KIF4A: variants seen among roughly 807,000 people sequenced by gnomAD.
KIF4A encodes chromosome-associated kinesin KIF4A.
KIF4A carries 7 observed loss-of-function variants against 105.9 expected under a neutral mutation model. That is an observed-to-expected ratio of 0.07 (90% confidence interval 0.04 to 0.12). The LOEUF (loss-of-function observed/expected upper bound fraction) is 0.12. Ranked by LOEUF, KIF4A falls within the 10% of genes least tolerant of loss-of-function variation. The pLI, the probability that KIF4A is intolerant of heterozygous loss-of-function variation, is 1.00. For synonymous variants in KIF4A, 281 were observed against 331.3 expected, an observed-to-expected ratio of 0.85 and a Z score of 1.65; for missense variants, 558 against 929.2, an observed-to-expected ratio of 0.60 and a Z score of 5.19.
chrX:70,311,781 C>A (rs760602709), intron 7 of KIF4A, among the ~76,000 whole-genome samples: 9 of 108,969 alleles, frequency 8.3e-5, no homozygotes, highest in African/African-American at 2.7e-4. Context: ...AGCAACATAG[C>A]GAGACCCCAC....
intron 3 of KIF4A, among the ~76,000 whole-genome samples, chrX:70,294,179 C>A (rs1189970000): frequency 9.0e-6 from 1 of 111,435 alleles, no homozygotes; most frequent in Non-Finnish European, 1.9e-5. Flanking sequence ...TACACATTAG[C>A]CTAGGCCCAC....
rs3752322 is a variant in KIF4A, at chrX:70,420,671, G to T, written c.*406G>T. ...TGGCCTAGGATGGAGGCCTGGCTTA[G>T]ATCTTTCATTCCACCTCAGGAATGA... On this transcript the variant is annotated 3_prime_UTR_variant, in exon 31 of 31. Coordinates refer to ENST00000374403, the MANE Select transcript of KIF4A (RefSeq NM_012310.5). 732 of 134,710 alleles carry T rather than the reference G, an allele frequency of 5.4e-3. 28 individuals are homozygous for T. The East Asian group carries it at 0.095, about 17-fold the overall frequency. 11.1% of individuals were successfully genotyped at this position (134,710 alleles called of 1,213,427 possible).
At chrX:70,371,767 C>T (rs1335037210) in intron 15 of KIF4A, among the ~76,000 whole-genome samples, 29 of 107,469 alleles carry the variant, frequency 2.7e-4, no homozygotes, top group Admixed American at 1.9e-4. Context: ...ACTTCCCAGA[C>T]GGGGTGGCTG....
At chrX:70,387,333 C>A in intron 20 of KIF4A, 36 bp downstream of exon 20, 1 of 981,016 alleles carries the variant, frequency 1.0e-6, no homozygotes. Context: ...CTCTTGTGGA[C>A]ACTGGGAACA....
chrX:70,292,137 A>G (rs1463748731), intron 3 of KIF4A, among the ~76,000 whole-genome samples: 1 of 111,673 alleles, frequency 9.0e-6, no homozygotes, highest in Non-Finnish European at 1.9e-5. Context: ...CCCATACTTT[A>G]GTGTATATTT....
intron 22 of KIF4A, chrX:70,396,257 T>C (rs1002532943): frequency 5.7e-5 from 18 of 313,751 alleles, no homozygotes; most frequent in Middle Eastern, 8.7e-4. Flanking sequence ...ATCATTCTTC[T>C]CATGTTAGAG....
chrX:70,302,134 T>C, intron 6 of KIF4A, 68 bp downstream of exon 6: 1 of 1,133,126 alleles, frequency 8.8e-7, no homozygotes, highest in Non-Finnish European at 1.2e-6. Context: ...TTAGACTGCT[T>C]CTTCAATTGA....
At chrX:70,329,919 T>G (rs1002195140) in intron 8 of KIF4A, among the ~76,000 whole-genome samples, 1 of 111,761 alleles carries the variant, frequency 8.9e-6, no homozygotes, top group Non-Finnish European at 1.9e-5. Flanking sequence ...TTTAACCTGA[T>G]TAACTGCTGA....
Position 70,420,662 on chromosome X carries a change from C to T in KIF4A, c.*397C>T, listed in dbSNP as rs994005168. On this transcript the variant is annotated 3_prime_UTR_variant, in exon 31 of 31. Coordinates refer to ENST00000374403, the MANE Select transcript of KIF4A (RefSeq NM_012310.5). ...GGAGGAGCCTGGCCTAGGATGGAGG[C>T]CTGGCTTAGATCTTTCATTCCACCT... The T allele has an allele frequency of 2.5e-4, 34 of 136,767 alleles. No individual in the cohort carries two copies. The Admixed American group carries it at 2.7e-3, about 11-fold the overall frequency. The allele number at this position is 136,767 out of a possible 1,213,427, so 11.3% of individuals were successfully genotyped here.
At chrX:70,415,697 A>T in intron 28 of KIF4A, among the ~76,000 whole-genome samples, 1 of 106,368 alleles carries the variant, frequency 9.4e-6, no homozygotes, top group Non-Finnish European at 1.9e-5. Context: ...GGAAAGGGGG[A>T]GGCAAATAGG....
At chrX:70,318,473 C>T (rs1252934771) in intron 7 of KIF4A, among the ~76,000 whole-genome samples, 2 of 111,675 alleles carry the variant, frequency 1.8e-5, no homozygotes, top group Non-Finnish European at 3.8e-5. Flanking sequence ...CAACAACGCC[C>T]ATATGAACCT....
chrX:70,307,260 A>G (rs1320632818), intron 7 of KIF4A, among the ~76,000 whole-genome samples: 2 of 110,602 alleles, frequency 1.8e-5, no homozygotes, highest in Admixed American at 9.7e-5. Flanking sequence ...TGTAAATGCA[A>G]TTGTTTTCTT....
chrX:70,322,811 C>T (rs951798243), intron 7 of KIF4A, among the ~76,000 whole-genome samples: 2 of 108,534 alleles, frequency 1.8e-5, no homozygotes, highest in Non-Finnish European at 3.8e-5. Context: ...TTTTCTCTAA[C>T]CCTACTACCA....
intron 15 of KIF4A, among the ~76,000 whole-genome samples, chrX:70,365,953 C>T (rs999453484): frequency 2.7e-5 from 3 of 111,455 alleles, no homozygotes; most frequent in Non-Finnish European, 5.6e-5. Flanking sequence ...GATTCAACTT[C>T]TTCCTGGTTT....
rs2147734549 is a variant in KIF4A at position 70,396,035 on chromosome X, T to C, written c.2475T>C (p.Thr825=). Residue 825 remains threonine, a synonymous_variant, in exon 22 of 31, where the codon ACT becomes ACC. Transcript: ENST00000374403. ...CAAAGCAGATTGAAAGCCTAGAGAC[T>C]GAAATGGAATTCAGGTAACAGGGAC... ...SITKQIESLE[T]EMEFRSAQIA... The C allele has an allele frequency of 2.4e-5, 28 of 1,188,037 alleles. No homozygotes were observed. Among genetic ancestry groups the C allele is most frequent in the Non-Finnish European group, 3.2e-5 (28 of 876,067 alleles).
At chrX:70,290,361 GGAA>G in intron 1 of KIF4A, 74 bp from the exon 2 acceptor site, 3 of 1,112,519 alleles carry the variant, frequency 2.7e-6, no homozygotes, top group Non-Finnish European at 3.6e-6. Context: ...GAGGAGGGTC[GGAA>G]CCGGGGAGGA....
intron 15 of KIF4A, among the ~76,000 whole-genome samples, chrX:70,365,582 A>T (rs2086098605): frequency 8.9e-6 from 1 of 111,767 alleles, no homozygotes; most frequent in South Asian, 3.7e-4. Flanking sequence ...CTTGCATCCC[A>T]GGGATGAAGC....
At chrX:70,355,058 A>T (rs1290678151) in intron 15 of KIF4A, among the ~76,000 whole-genome samples, 1 of 111,599 alleles carries the variant, frequency 9.0e-6, no homozygotes, top group African/African-American at 3.3e-5. Flanking sequence ...TTCCCAAGGC[A>T]TAAACAGTCA....
Position 70,317,759 on chromosome X carries a change from G to A in KIF4A, c.779-11646G>A, listed in dbSNP as rs1320065567. Among the ~76,000 whole-genome samples, 4 of 110,912 alleles carry A rather than the reference G, an allele frequency of 3.6e-5. No homozygotes were observed. In the East Asian group the frequency reaches 1.1e-3, roughly 31 times the overall value. On this transcript the variant is annotated intron_variant, in intron 7 of 30. Transcript: ENST00000374403. The stretch of plus-strand genomic sequence containing the variant: ...GGATCTCCCTATGTTGCCCAGGTTG[G>A]TCTTTAATTCCTGGGCTCAAGCAGT...
Sources: allele counts gnomAD v4.1 joint callset (sites outside exome capture counted in the v4.1 genomes callset), GRCh38; gene constraint gnomAD v4.1.1; transcripts MANE v1.5; gene names NCBI Gene and HGNC (gene_info 2026-07-23, HGNC 2026-07-21).